The following AP2B1 variants were observed in gnomAD, a reference collection of about 807,000 sequenced individuals.
AP2B1 encodes AP-2 complex subunit beta.
A neutral mutation model predicts 102.0 loss-of-function variants in AP2B1; 23 were observed. The observed-to-expected ratio is 0.23, with a 90% confidence interval of 0.16 to 0.32. The LOEUF (loss-of-function observed/expected upper bound fraction) is 0.32. AP2B1 is among the 10% of genes least tolerant of loss of function. The pLI, the probability that AP2B1 is intolerant of heterozygous loss-of-function variation, is 1.00. For missense variants in AP2B1, 541 were observed against 1,157.4 expected (o/e 0.47, Z 7.73); for synonymous variants, 381 against 421.2 (o/e 0.90, Z 1.17).
At chr17:35,680,561 G>T (rs745523958) in intron 17 of AP2B1, among the ~76,000 whole-genome samples, 20 of 152,126 alleles carry the variant, frequency 1.3e-4, no homozygotes, top group Middle Eastern at 6.8e-3. Context: ...TCCAGAGACA[G>T]GGTTTCTCTA....
At chr17:35,593,581 C>A (rs914550497) in intron 1 of AP2B1, among the ~76,000 whole-genome samples, 1 of 151,928 alleles carries the variant, frequency 6.6e-6, no homozygotes, top group African/African-American at 2.4e-5. Context: ...CATAGATCGG[C>A]AAAATTGTTT....
At chr17:35,668,094 G>A (rs1464004243) in intron 14 of AP2B1, among the ~76,000 whole-genome samples, 1 of 151,740 alleles carries the variant, frequency 6.6e-6, no homozygotes, top group Non-Finnish European at 1.5e-5. Flanking sequence ...CCCGTCACCA[G>A]GCCCAGCTAA....
chr17:35,718,426 C>T (rs1458785810), intron 21 of AP2B1, among the ~76,000 whole-genome samples: 1 of 151,678 alleles, frequency 6.6e-6, no homozygotes, highest in Admixed American at 6.6e-5. Flanking sequence ...CTTCAGGCTT[C>T]CCTCATAAAA....
At chr17:35,711,191 C>G (rs1301129679) in intron 20 of AP2B1, among the ~76,000 whole-genome samples, 1 of 152,152 alleles carries the variant, frequency 6.6e-6, no homozygotes, top group Non-Finnish European at 1.5e-5. Flanking sequence ...CTCTTTAGAG[C>G]TCTTTCTTTC....
chr17:35,683,909 A>C (rs587686794), intron 18 of AP2B1, among the ~76,000 whole-genome samples: 1 of 152,338 alleles, frequency 6.6e-6, no homozygotes, highest in South Asian at 2.1e-4. Context: ...AGATGATAGG[A>C]AATTTCTGAG....
chr17:35,660,481 CTT>C (rs71366472), intron 14 of AP2B1, among the ~76,000 whole-genome samples: 224 of 127,682 alleles, frequency 1.8e-3, no homozygotes, highest in African/African-American at 5.2e-3. Flanking sequence ...TTTTCTCTCT[CTT>C]TTTTTTTTTT....
Position 35,627,342 on chromosome 17 carries a change from T to A in AP2B1, c.939-43T>A, listed in dbSNP as rs144707784. 1,164 of 1,558,894 alleles carry A rather than the reference T, an allele frequency of 7.5e-4. 5 individuals carry two copies. In the African/African-American group the frequency reaches 0.015, roughly 20 times the overall value. The stretch of plus-strand genomic sequence containing the variant: ...ATACAGTCTCAGAAGGGTATATCAG[T>A]ATATGCCTTCACCTTCCTTTCTTCT... On this transcript the variant is annotated intron_variant, in intron 7 of 21. Transcript: ENST00000610402.
chr17:35,639,277 G>C (rs1303002382), intron 10 of AP2B1, among the ~76,000 whole-genome samples: 1 of 152,186 alleles, frequency 6.6e-6, no homozygotes, highest in African/African-American at 2.4e-5. Flanking sequence ...AGGTTACAGT[G>C]AGCTATGATC....
At chr17:35,700,188 C>T (rs1195603465) in intron 18 of AP2B1, among the ~76,000 whole-genome samples, 4 of 151,676 alleles carry the variant, frequency 2.6e-5, no homozygotes, top group African/African-American at 7.3e-5. Flanking sequence ...AATTTAACTC[C>T]AGCACCTAGC....
chr17:35,638,923 T>C (rs2074689791), intron 10 of AP2B1, among the ~76,000 whole-genome samples: 1 of 152,230 alleles, frequency 6.6e-6, no homozygotes, highest in Non-Finnish European at 1.5e-5. Context: ...GTGGAATTTC[T>C]GTTCCTCTCT....
intron 18 of AP2B1, among the ~76,000 whole-genome samples, chr17:35,689,329 G>A (rs587729040): frequency 2.9e-4 from 44 of 152,160 alleles, no homozygotes; most frequent in Middle Eastern, 3.4e-3. Context: ...ACAGGCACGT[G>A]CCACCATACC....
At chr17:35,685,230 A>C (rs1375655160) in intron 18 of AP2B1, among the ~76,000 whole-genome samples, 1 of 152,248 alleles carries the variant, frequency 6.6e-6, no homozygotes, top group Non-Finnish European at 1.5e-5. Flanking sequence ...AAAACTTGAA[A>C]AGAGAAAAAC....
At chr17:35,647,392 C>G (rs1198355823) in intron 12 of AP2B1, among the ~76,000 whole-genome samples, 1 of 152,032 alleles carries the variant, frequency 6.6e-6, no homozygotes, top group South Asian at 2.1e-4. Flanking sequence ...CAGTGCCCCC[C>G]CTCCCCACAC....
At chr17:35,650,845 G>T (rs1598176122) in intron 13 of AP2B1, 56 bp downstream of exon 13, 5 of 1,570,870 alleles carry the variant, frequency 3.2e-6, no homozygotes, top group African/African-American at 2.7e-5. Context: ...AGACAGCGTT[G>T]CTCTTCTTTA....
rs963954568 is a variant in AP2B1 at position 35,608,355 on chromosome 17, C to G, written c.493C>G (p.Leu165Val). Residue 165 changes from leucine (L) to valine (V), a missense_variant, in exon 5 of 22, where the codon CTA becomes GTA. Leu to Val is a conservative substitution (Grantham distance 32). This residue lies in a region of AP2B1 where 134 missense variants were observed against 250.2 expected (regional missense o/e 0.54). Coordinates refer to ENST00000610402, the MANE Select transcript of AP2B1 (RefSeq NM_001030006.2). ...GGAAGATCAGGGATTTCTGGATTCT[C>G]TACGGGATCTCATAGCAGATTCAAA... ...MVEDQGFLDSLRDLIADSNPM... is the reference protein window; with the variant it reads ...MVEDQGFLDSVRDLIADSNPM... 2.5e-6 allele frequency: 4 copies of G among 1,614,094 alleles called. No homozygotes were observed. The highest frequency in any genetic ancestry group is 3.4e-6 in the Non-Finnish European group (4 of 1,180,058).
chr17:35,634,455 T>A (rs981904210), intron 9 of AP2B1, among the ~76,000 whole-genome samples: 1 of 152,222 alleles, frequency 6.6e-6, no homozygotes, highest in Non-Finnish European at 1.5e-5. Context: ...CATTGTAATA[T>A]ATGATAGGCT....
chr17:35,665,007 T>A (rs1350976777), intron 14 of AP2B1, among the ~76,000 whole-genome samples: 1 of 152,126 alleles, frequency 6.6e-6, no homozygotes, highest in African/African-American at 2.4e-5. Context: ...ATGATCTCAA[T>A]GCGTTTATGC....
chr17:35,672,427 G>A (rs145204695), intron 16 of AP2B1, among the ~76,000 whole-genome samples: 584 of 152,304 alleles, frequency 3.8e-3, no homozygotes, highest in African/African-American at 0.013. Context: ...TTCAAGAGGG[G>A]AAACTCCCGG....
At chr17:35,715,733 T>A (rs2143010818) in intron 20 of AP2B1, among the ~76,000 whole-genome samples, 2 of 152,330 alleles carry the variant, frequency 1.3e-5, no homozygotes, top group Admixed American at 1.3e-4. Flanking sequence ...CCAGCAATAT[T>A]GCATAGATGT....
Sources: gnomAD v4.1 joint callset for allele counts (sites outside exome capture counted in the v4.1 genomes callset) on GRCh38, gnomAD v4.1.1 for gene constraint, gnomAD v4.1.1 regional missense constraint, MANE v1.5 for transcripts, NCBI Gene and HGNC (gene_info 2026-07-23, HGNC 2026-07-21) for gene names.